RNF150: variants seen among roughly 807,000 people sequenced by gnomAD.
RNF150 encodes ring finger protein 150.
In RNF150, 24 loss-of-function variants were observed where a neutral mutation model predicts 39.3. That is an observed-to-expected ratio of 0.61 (90% CI 0.44 to 0.86). The LOEUF is 0.86. Among genes scored for constraint, RNF150 ranks in the 40% least tolerant of loss-of-function variants. The probability of loss-of-function intolerance (pLI) is 0.00; values close to 1 mark genes in which losing one functional copy is unlikely to be tolerated. For synonymous variants in RNF150, 255 were observed against 227.3 expected, an observed-to-expected ratio of 1.12 and a Z score of -1.10; for missense variants, 502 against 587.8, an observed-to-expected ratio of 0.85 and a Z score of 1.51.
At chr4:140,921,273 T>C (rs987758357) in intron 5 of RNF150, among the ~76,000 whole-genome samples, 17 of 150,816 alleles carry the variant, frequency 1.1e-4, no homozygotes, top group Admixed American at 2.0e-4. Context: ...CAATAAAAAA[T>C]GGCAAAGGGG....
intron 1 of RNF150, among the ~76,000 whole-genome samples, chr4:140,994,572 C>T (rs1294247800): frequency 6.6e-6 from 1 of 152,056 alleles, no homozygotes; most frequent in Non-Finnish European, 1.5e-5. Context: ...ATTGTGGTGG[C>T]TCTCTACACA....
intron 1 of RNF150, among the ~76,000 whole-genome samples, chr4:141,096,821 C>A (rs1269720119): frequency 6.6e-6 from 1 of 152,218 alleles, no homozygotes; most frequent in Non-Finnish European, 1.5e-5. Context: ...AGCAAGTGGA[C>A]AGAGTGCTCT....
intron 1 of RNF150, among the ~76,000 whole-genome samples, chr4:141,048,599 AGT>A (rs1050869336): frequency 2.0e-5 from 3 of 152,060 alleles, no homozygotes; most frequent in Non-Finnish European, 4.4e-5. Flanking sequence ...CAGGCATGGT[AGT>A]GTGTGACTAT....
intron 5 of RNF150, among the ~76,000 whole-genome samples, chr4:140,919,082 C>T (rs953258643): frequency 1.2e-4 from 18 of 150,418 alleles, no homozygotes; most frequent in Admixed American, 1.0e-3. Flanking sequence ...CAATATCATA[C>T]TGAATGGGCA....
intron 5 of RNF150, among the ~76,000 whole-genome samples, chr4:140,917,631 C>T (rs1031547067): frequency 2.6e-5 from 4 of 152,204 alleles, no homozygotes; most frequent in African/African-American, 7.2e-5. Context: ...GACAGATCAA[C>T]GAGACAGAAA....
intron 1 of RNF150, among the ~76,000 whole-genome samples, chr4:141,063,488 A>AC (rs1474122290): frequency 6.6e-6 from 1 of 152,212 alleles, no homozygotes; most frequent in Non-Finnish European, 1.5e-5. Context: ...TCCTTATGAT[A>AC]CAGTCTCAGA....
chr4:141,047,161 C>A (rs1000056847), intron 1 of RNF150, among the ~76,000 whole-genome samples: 1 of 152,066 alleles, frequency 6.6e-6, no homozygotes, highest in African/African-American at 2.4e-5. Flanking sequence ...TGTTTCCCTG[C>A]TTTAATATTT....
chr4:141,010,760 A>G (rs1459786740), intron 1 of RNF150, among the ~76,000 whole-genome samples: 1 of 152,156 alleles, frequency 6.6e-6, no homozygotes, highest in South Asian at 2.1e-4. Context: ...GCACGGAGAC[A>G]GTATGGCTCA....
chr4:141,130,011 G>A (rs866905885), intron 1 of RNF150, among the ~76,000 whole-genome samples: 1 of 152,122 alleles, frequency 6.6e-6, no homozygotes, highest in South Asian at 2.1e-4. Context: ...AGATTTTCTG[G>A]TATGGTATCC....
intron 1 of RNF150, among the ~76,000 whole-genome samples, chr4:141,178,494 G>A (rs752818850): frequency 6.6e-6 from 1 of 152,096 alleles, no homozygotes; most frequent in Non-Finnish European, 1.5e-5. Flanking sequence ...CCATGTAAGA[G>A]GTACGTTGAG....
chr4:140,943,929 G>A (rs1336457321), intron 4 of RNF150, among the ~76,000 whole-genome samples: 1 of 152,132 alleles, frequency 6.6e-6, no homozygotes, highest in Non-Finnish European at 1.5e-5. Flanking sequence ...AGAGATAGGA[G>A]GAATTTTATA....
In RNF150 at chr4:141,027,921, T is replaced by G. The variant is rs28454376; in HGVS notation, c.485-60048A>C. Among the ~76,000 whole-genome samples the G allele has an allele frequency of 4.2e-3, 253 of 59,634 alleles. 5 individuals carry two copies. The highest frequency in any genetic ancestry group is 0.03 in the East Asian group (30 of 986). 39.1% of individuals were successfully genotyped at this position (59,634 alleles called of 152,430 possible). ...AATGAGCTTGGAATTTGTTTTTTTT[T>G]TTTTGTTTTTTTTTTTTTTTTTTTT... is the stretch of plus-strand genomic sequence containing the variant. On this transcript the variant is annotated intron_variant, in intron 1 of 6. Coordinates refer to ENST00000515673, the MANE Select transcript of RNF150 (RefSeq NM_020724.2).
intron 1 of RNF150, among the ~76,000 whole-genome samples, chr4:141,061,526 T>G (rs1384087268): frequency 6.6e-6 from 1 of 152,176 alleles, no homozygotes; most frequent in Admixed American, 6.5e-5. Flanking sequence ...CAATATGCAA[T>G]ATTGCTCTTC....
chr4:140,984,312 T>C (rs1242995405), intron 1 of RNF150, among the ~76,000 whole-genome samples: 3 of 152,120 alleles, frequency 2.0e-5, no homozygotes, highest in Non-Finnish European at 4.4e-5. Flanking sequence ...TTTGGCTTGA[T>C]ACATAAATTA....
In RNF150 at chr4:140,947,714, T is replaced by C; in HGVS notation, c.830A>G (p.Asn277Ser). Residue 277 changes from asparagine (N) to serine (S), a missense_variant, in exon 4 of 7, where the codon AAC becomes AGC. Asn to Ser is a conservative substitution (Grantham distance 46). Transcript: ENST00000515673. ...GTACCCTTCAATACAAACTGCACAGTTGTCAAAATCAGACTCTGTTTCCTG... is the reference window on the plus strand; with the variant it reads ...GTACCCTTCAATACAAACTGCACAGCTGTCAAAATCAGACTCTGTTTCCTG... ...GDKETESDFD[N>S]CAVCIEGYKP... The C allele has an allele frequency of 1.3e-6, 2 of 1,598,938 alleles. No individual in the cohort carries two copies. The highest frequency in any genetic ancestry group is 1.3e-5 in the African/African-American group (1 of 74,210).
At chr4:140,902,198 A>T (rs1003877624) in intron 6 of RNF150, among the ~76,000 whole-genome samples, 1 of 152,220 alleles carries the variant, frequency 6.6e-6, no homozygotes, top group Admixed American at 6.5e-5. Flanking sequence ...GAAATGGCAC[A>T]TGGAGAGATA....
At chr4:140,974,547 T>C (rs115784538) in intron 1 of RNF150, among the ~76,000 whole-genome samples, 3,113 of 152,304 alleles carry the variant, frequency 0.02, 111 homozygotes, top group African/African-American at 0.072. Flanking sequence ...TGTACGGTAG[T>C]TGAACATTTG....
chr4:141,128,265 A>G (rs1240717641), intron 1 of RNF150, among the ~76,000 whole-genome samples: 1 of 152,224 alleles, frequency 6.6e-6, no homozygotes, highest in Admixed American at 6.5e-5. Flanking sequence ...CTGTACATGC[A>G]TTAATCCATC....
intron 1 of RNF150, among the ~76,000 whole-genome samples, chr4:141,139,869 A>C (rs1258672879): frequency 6.6e-6 from 1 of 152,166 alleles, no homozygotes; most frequent in Non-Finnish European, 1.5e-5. Flanking sequence ...GGGCTATACT[A>C]CCACATTGGT....
Sources: allele counts gnomAD v4.1 joint callset (sites outside exome capture counted in the v4.1 genomes callset), GRCh38; gene constraint gnomAD v4.1.1; transcripts MANE v1.5; gene names NCBI Gene and HGNC (gene_info 2026-07-23, HGNC 2026-07-21).